The following SEZ6L variants were observed in gnomAD, a reference collection of about 807,000 sequenced individuals.
The protein encoded by SEZ6L is seizure 6-like protein.
SEZ6L carries 37 observed loss-of-function variants against 106.2 expected under a neutral mutation model. That is an observed-to-expected ratio of 0.35 (90% CI 0.27 to 0.46). The LOEUF (loss-of-function observed/expected upper bound fraction) is 0.46, where lower values mean the gene tolerates loss of function less well. SEZ6L is among the 20% of genes least tolerant of loss of function. SEZ6L has a pLI of 1.00. For synonymous variants in SEZ6L, 541 were observed against 570.4 expected, an observed-to-expected ratio of 0.95 and a Z score of 0.73; for missense variants, 1,172 against 1,332.8, an observed-to-expected ratio of 0.88 and a Z score of 1.88.
intron 5 of SEZ6L, among the ~76,000 whole-genome samples, chr22:26,304,035 C>G (rs953369105): frequency 6.6e-6 from 1 of 152,148 alleles, no homozygotes; most frequent in African/African-American, 2.4e-5. Flanking sequence ...TGAGAAGCAT[C>G]TGCTACCCAC....
At chr22:26,257,273 A>G (rs1255995396) in intron 1 of SEZ6L, among the ~76,000 whole-genome samples, 2 of 152,176 alleles carry the variant, frequency 1.3e-5, no homozygotes, top group Admixed American at 6.5e-5. Context: ...GAAGAGAAGC[A>G]CCCAATGCAA....
chr22:26,173,191 G>A (rs1271684344), intron 1 of SEZ6L, among the ~76,000 whole-genome samples: 4 of 152,208 alleles, frequency 2.6e-5, no homozygotes, highest in African/African-American at 4.8e-5. Context: ...CAGCTGGCAC[G>A]GAGTAGGTGC....
chr22:26,214,098 T>C (rs1210580094), intron 1 of SEZ6L, among the ~76,000 whole-genome samples: 1 of 152,246 alleles, frequency 6.6e-6, no homozygotes, highest in African/African-American at 2.4e-5. Flanking sequence ...CAAAGAGGTC[T>C]GCCACTGCAA....
rs147229308 is a variant in SEZ6L at position 26,313,958 on chromosome 22, A to G, written c.2015+56A>G. ...TTGGCAAAATTTGGGAGATTGAGAA[A>G]GAAATTGCTCCTGCTTTATTCTTTC... On this transcript the variant is annotated intron_variant, in intron 9 of 16. Transcript: ENST00000248933. The G allele has an allele frequency of 5.8e-4, 895 of 1,547,350 alleles. 5 individuals carry two copies. In the African/African-American group the frequency reaches 0.011, roughly 19 times the overall value.
At chr22:26,286,658 C>T (rs976019322) in intron 1 of SEZ6L, among the ~76,000 whole-genome samples, 11 of 152,008 alleles carry the variant, frequency 7.2e-5, no homozygotes, top group African/African-American at 1.2e-4. Flanking sequence ...TGATATGTTA[C>T]GCTACTGCTT....
At chr22:26,354,744 T>G (rs1345470582) in intron 12 of SEZ6L, among the ~76,000 whole-genome samples, 1 of 152,252 alleles carries the variant, frequency 6.6e-6, no homozygotes, top group African/African-American at 2.4e-5. Context: ...CGGCAGCTGC[T>G]GCTGGATTTC....
chr22:26,200,052 A>G (rs919322842), intron 1 of SEZ6L, among the ~76,000 whole-genome samples: 3 of 152,228 alleles, frequency 2.0e-5, no homozygotes, highest in Non-Finnish European at 2.9e-5. Context: ...AGCAAAGATC[A>G]CACCAATAGG....
At chr22:26,208,889 T>C in intron 1 of SEZ6L, among the ~76,000 whole-genome samples, 1 of 148,880 alleles carries the variant, frequency 6.7e-6, no homozygotes, top group Non-Finnish European at 1.5e-5. Flanking sequence ...TGTGTGTGTG[T>C]GTGTGTGTGT....
chr22:26,225,716 A>G (rs912020589), intron 1 of SEZ6L, among the ~76,000 whole-genome samples: 5 of 152,156 alleles, frequency 3.3e-5, no homozygotes, highest in African/African-American at 1.2e-4. Flanking sequence ...TCCACGAGAA[A>G]CCTTAAGCAG....
At chr22:26,214,896 T>C (rs2078256523) in intron 1 of SEZ6L, among the ~76,000 whole-genome samples, 1 of 151,760 alleles carries the variant, frequency 6.6e-6, no homozygotes, top group African/African-American at 2.4e-5. Flanking sequence ...AACATATAAA[T>C]GACTACATAA....
At chr22:26,350,409 G>A (rs1453445988) in intron 11 of SEZ6L, among the ~76,000 whole-genome samples, 2 of 151,176 alleles carry the variant, frequency 1.3e-5, no homozygotes, top group Admixed American at 6.6e-5. Flanking sequence ...TGTATTTTTT[G>A]TAGGGACCGG....
At chr22:26,324,821 C>A (rs898835824) in intron 9 of SEZ6L, among the ~76,000 whole-genome samples, 3 of 152,154 alleles carry the variant, frequency 2.0e-5, no homozygotes, top group African/African-American at 7.2e-5. Flanking sequence ...AAGAGATTGC[C>A]CCAAGACCAC....
intron 1 of SEZ6L, among the ~76,000 whole-genome samples, chr22:26,257,649 G>A (rs539143357): frequency 1.3e-5 from 2 of 152,280 alleles, no homozygotes; most frequent in African/African-American, 4.8e-5. Flanking sequence ...TTATGCTGAG[G>A]TCTGAGGACT....
At chr22:26,349,458 A>G (rs1406180126) in intron 11 of SEZ6L, among the ~76,000 whole-genome samples, 1 of 152,240 alleles carries the variant, frequency 6.6e-6, no homozygotes, top group Non-Finnish European at 1.5e-5. Flanking sequence ...GCTGCTGTTA[A>G]ACATTTATTC....
intron 11 of SEZ6L, among the ~76,000 whole-genome samples, chr22:26,349,375 T>C (rs544617001): frequency 2.6e-5 from 4 of 152,348 alleles, no homozygotes; most frequent in East Asian, 3.9e-4. Flanking sequence ...TGCTTACTTA[T>C]AGTACCCAGG....
Position 26,294,383 on chromosome 22 carries a change from A to T in SEZ6L, c.927A>T (p.Thr309=). The T allele has an allele frequency of 1.2e-6, 2 of 1,614,146 alleles. No individual in the cohort carries two copies. The highest frequency in any genetic ancestry group is 1.7e-6 in the Non-Finnish European group (2 of 1,180,020). The change falls in exon 3 of 17, where the codon ACA becomes ACT. Residue 309 remains threonine (T), a synonymous_variant. Coordinates refer to ENST00000248933, the MANE Select transcript of SEZ6L (RefSeq NM_021115.5). The part of the protein sequence containing the change: ...LLPLNNFLEC[T]YNVTVYTGYG... ...CCCTCAACAACTTTCTGGAGTGCAC[A>T]TACAACGTGACAGTCTACACTGGCT...
intron 1 of SEZ6L, among the ~76,000 whole-genome samples, chr22:26,200,860 C>G (rs1467632695): frequency 6.6e-6 from 1 of 152,138 alleles, no homozygotes; most frequent in African/African-American, 2.4e-5. Context: ...ACGTGGATGA[C>G]TCACTATCCC....
intron 1 of SEZ6L, among the ~76,000 whole-genome samples, chr22:26,214,369 G>A (rs62224246): frequency 0.018 from 2,815 of 152,220 alleles, 44 homozygotes; most frequent in Non-Finnish European, 0.029. Context: ...GCAGGGCCCG[G>A]CACACGGAAA....
chr22:26,224,132 C>T (rs1038772110), intron 1 of SEZ6L, among the ~76,000 whole-genome samples: 3 of 152,094 alleles, frequency 2.0e-5, no homozygotes, highest in Non-Finnish European at 2.9e-5. Flanking sequence ...CTAATAACAC[C>T]GGCTGTTGCT....
Sources: allele counts gnomAD v4.1 joint callset (sites outside exome capture counted in the v4.1 genomes callset), GRCh38; gene constraint gnomAD v4.1.1; transcripts MANE v1.5; gene names NCBI Gene and HGNC (gene_info 2026-07-23, HGNC 2026-07-21).